Variants in LPP observed in about 807,000 individuals in gnomAD.
LPP encodes the protein LIM domain containing preferred translocation partner in lipoma, also known as lipoma-preferred partner.
In LPP, 38 loss-of-function variants were observed where a neutral mutation model predicts 60.4. The observed-to-expected ratio is 0.63, with a 90% CI of 0.49 to 0.83. The LOEUF is 0.83. Ranked by LOEUF, LPP falls within the 40% of genes least tolerant of loss-of-function variation. The pLI is 0.00. For synonymous variants in LPP, 328 were observed against 290.8 expected, an observed-to-expected ratio of 1.13 and a Z score of -1.30; for missense variants, 902 against 783.6, an observed-to-expected ratio of 1.15 and a Z score of -1.80.
chr3:188,430,318 C>T (rs1168127758), intron 4 of LPP, among the ~76,000 whole-genome samples: 1 of 151,792 alleles, frequency 6.6e-6, no homozygotes, highest in African/African-American at 2.4e-5. Flanking sequence ...AACAACTTTC[C>T]CTGGCTTATA....
chr3:188,252,109 G>A (rs6767993), intron 2 of LPP, among the ~76,000 whole-genome samples: 65,424 of 94,270 alleles, frequency 0.69, 24,533 homozygotes, highest in African/African-American at 0.9. Flanking sequence ...AGATTATAGC[G>A]TCAGATTATC....
intron 1 of LPP, among the ~76,000 whole-genome samples, chr3:188,214,251 C>T (rs1186879097): frequency 1.3e-5 from 2 of 152,154 alleles, no homozygotes; most frequent in Middle Eastern, 3.2e-3. Flanking sequence ...CTGCCTCAGC[C>T]TCCTGAGTAA....
intron 5 of LPP, among the ~76,000 whole-genome samples, chr3:188,492,400 A>G (rs1469810399): frequency 6.6e-6 from 1 of 152,168 alleles, no homozygotes; most frequent in African/African-American, 2.4e-5. Flanking sequence ...TCTACTTATA[A>G]GAAAGTAATG....
chr3:188,646,985 T>C (rs1851221653), intron 7 of LPP, among the ~76,000 whole-genome samples: 1 of 152,236 alleles, frequency 6.6e-6, no homozygotes, highest in South Asian at 2.1e-4. Flanking sequence ...AAGCAGAGTG[T>C]TGCTGTTAAT....
chr3:188,265,263 C>T (rs2149725779), intron 2 of LPP, among the ~76,000 whole-genome samples: 1 of 152,258 alleles, frequency 6.6e-6, no homozygotes, highest in East Asian at 1.9e-4. Context: ...CCGTGGATGG[C>T]ACAAAAGTTC....
At chr3:188,569,210 A>G (rs796588490) in intron 6 of LPP, 1 of 151,872 alleles carries the variant, frequency 6.6e-6, no homozygotes, top group Non-Finnish European at 1.5e-5. Flanking sequence ...GCCGCTTACA[A>G]TTGGATTCGG....
At chr3:188,616,061 C>T (rs1161306185) in intron 7 of LPP, among the ~76,000 whole-genome samples, 1 of 152,036 alleles carries the variant, frequency 6.6e-6, no homozygotes, top group East Asian at 1.9e-4. Context: ...ATGATAGTTT[C>T]TTTTGCAAAA....
intron 1 of LPP, among the ~76,000 whole-genome samples, chr3:188,220,665 C>A (rs1164080156): frequency 6.6e-6 from 1 of 152,184 alleles, no homozygotes; most frequent in Non-Finnish European, 1.5e-5. Flanking sequence ...TGTCTCCAGA[C>A]CAGCTTCTTC....
At chr3:188,370,475 C>G (rs976466509) in intron 3 of LPP, among the ~76,000 whole-genome samples, 2 of 152,054 alleles carry the variant, frequency 1.3e-5, no homozygotes, top group East Asian at 1.9e-4. Flanking sequence ...TATCATTGAG[C>G]CTTTTAGGTT....
intron 7 of LPP, among the ~76,000 whole-genome samples, chr3:188,668,244 G>A (rs556839500): frequency 6.6e-6 from 1 of 152,150 alleles, no homozygotes; most frequent in South Asian, 2.1e-4. Flanking sequence ...TAAAGATGAT[G>A]TGTTAAGTTA....
intron 4 of LPP, among the ~76,000 whole-genome samples, chr3:188,434,464 G>C (rs987132276): frequency 1.3e-5 from 2 of 152,142 alleles, no homozygotes; most frequent in African/African-American, 4.8e-5. Flanking sequence ...TCTAGGATCA[G>C]CACTTGCCTT....
chr3:188,394,798 G>C (rs1398619082), intron 3 of LPP, among the ~76,000 whole-genome samples: 1 of 152,068 alleles, frequency 6.6e-6, no homozygotes, highest in East Asian at 1.9e-4. Flanking sequence ...GTTGCCATTG[G>C]TTAATGCTTA....
chr3:188,362,944 C>T (rs184585160), intron 3 of LPP, among the ~76,000 whole-genome samples: 2 of 152,250 alleles, frequency 1.3e-5, no homozygotes, highest in African/African-American at 4.8e-5. Context: ...ATTATTAATT[C>T]CAGATGGGAA....
chr3:188,513,680 A>G (rs1816495925), intron 5 of LPP, among the ~76,000 whole-genome samples: 1 of 152,032 alleles, frequency 6.6e-6, no homozygotes, highest in Admixed American at 6.6e-5. Flanking sequence ...AAATCATTCA[A>G]CGAGTAGGTA....
intron 4 of LPP, among the ~76,000 whole-genome samples, chr3:188,447,617 A>C (rs1795554828): frequency 6.6e-6 from 1 of 151,534 alleles, no homozygotes; most frequent in Non-Finnish European, 1.5e-5. Flanking sequence ...CAAAAAAAAA[A>C]AAAAAAAAAA....
In LPP at chr3:188,321,096, A is replaced by ACC. The variant is rs763027857; in HGVS notation, c.-66-20566_-66-20565insCC. On this transcript the variant is annotated intron_variant, in intron 2 of 11. Transcript: ENST00000617246. ...GTCTTGAGATAGAAGGTTGAGAGAA[A>ACC]CACTTTGCAGTATTGGGAGAACTGG... Among the ~76,000 whole-genome samples the ACC allele has an allele frequency of 3.9e-4, 59 of 152,212 alleles. 1 individual carries two copies. Among genetic ancestry groups the ACC allele is most frequent in the Non-Finnish European group, 8.1e-4 (55 of 68,046 alleles).
At chr3:188,824,070 G>A (rs1462439791) in intron 9 of LPP, among the ~76,000 whole-genome samples, 1 of 152,272 alleles carries the variant, frequency 6.6e-6, no homozygotes, top group East Asian at 1.9e-4. Context: ...AGTAGAAAGA[G>A]AGCCAGAAAA....
At chr3:188,581,453 T>C (rs1322953338) in intron 6 of LPP, among the ~76,000 whole-genome samples, 1 of 152,288 alleles carries the variant, frequency 6.6e-6, no homozygotes, top group Admixed American at 6.5e-5. Context: ...TAACTTGCAA[T>C]TTAGTACTGT....
chr3:188,842,239 C>A (rs1760218077), intron 9 of LPP, among the ~76,000 whole-genome samples: 2 of 152,178 alleles, frequency 1.3e-5, no homozygotes, highest in Admixed American at 6.5e-5. Context: ...AAAATGATAT[C>A]TGATTGTAGT....
Sources: allele counts gnomAD v4.1 joint callset (sites outside exome capture counted in the v4.1 genomes callset), GRCh38; gene constraint gnomAD v4.1.1; transcripts MANE v1.5; gene names NCBI Gene and HGNC (gene_info 2026-07-23, HGNC 2026-07-21).